Variants in MAPKAP1 observed in about 807,000 individuals in gnomAD.
MAPKAP1 encodes MAPK associated protein 1.
MAPKAP1 carries 20 observed loss-of-function variants against 65.7 expected under a neutral mutation model. The observed-to-expected ratio is 0.30, with a 90% confidence interval of 0.21 to 0.44. MAPKAP1 has a LOEUF of 0.44. Ranked by LOEUF, MAPKAP1 falls within the 20% of genes least tolerant of loss-of-function variation. MAPKAP1 has a pLI of 1.00. For missense variants in MAPKAP1, 423 were observed against 648.0 expected (o/e 0.65, Z 3.77); for synonymous variants, 222 against 244.3 (o/e 0.91, Z 0.85).
chr9:125,456,937 A>G (rs921774817), intron 10 of MAPKAP1, among the ~76,000 whole-genome samples: 1 of 152,030 alleles, frequency 6.6e-6, no homozygotes, highest in Non-Finnish European at 1.5e-5. Flanking sequence ...GCAATAGATA[A>G]GTAATGCACT....
chr9:125,481,255 G>C (rs1056705665), intron 9 of MAPKAP1, among the ~76,000 whole-genome samples: 6 of 152,084 alleles, frequency 3.9e-5, no homozygotes, highest in Non-Finnish European at 8.8e-5. Context: ...ATTAAAGTTT[G>C]TCTTTTTTGC....
chr9:125,636,561 G>T (rs1833430681), intron 4 of MAPKAP1, among the ~76,000 whole-genome samples: 1 of 152,188 alleles, frequency 6.6e-6, no homozygotes, highest in Non-Finnish European at 1.5e-5. Context: ...CCATCCTTGA[G>T]GAGAAAATTC....
chr9:125,608,853 TAGTA>T (rs1476237604), intron 4 of MAPKAP1, among the ~76,000 whole-genome samples: 1 of 152,170 alleles, frequency 6.6e-6, no homozygotes, highest in Non-Finnish European at 1.5e-5. Flanking sequence ...ATGACAATAT[TAGTA>T]CCAAGAGAAA....
chr9:125,649,934 A>C (rs1358294535), intron 4 of MAPKAP1, among the ~76,000 whole-genome samples: 1 of 152,156 alleles, frequency 6.6e-6, no homozygotes, highest in Non-Finnish European at 1.5e-5. Flanking sequence ...TAGTAAAATT[A>C]TGGCCTCGTT....
intron 1 of MAPKAP1, among the ~76,000 whole-genome samples, chr9:125,698,052 A>AC (rs1009923105): frequency 1.1e-4 from 17 of 150,814 alleles, no homozygotes; most frequent in Admixed American, 9.3e-4. Flanking sequence ...TGGAAAAGTG[A>AC]CCCCCAACTC....
At chr9:125,705,988 G>A (rs1835745981) in intron 1 of MAPKAP1, among the ~76,000 whole-genome samples, 1 of 152,126 alleles carries the variant, frequency 6.6e-6, no homozygotes, top group Non-Finnish European at 1.5e-5. Context: ...AGTGCAGTCT[G>A]GGACACACAG....
intron 4 of MAPKAP1, among the ~76,000 whole-genome samples, chr9:125,602,484 A>G (rs1183598742): frequency 6.6e-6 from 1 of 152,208 alleles, no homozygotes; most frequent in East Asian, 1.9e-4. Context: ...CTGAGGGGAC[A>G]GCAAGATCCA....
In MAPKAP1 at chr9:125,657,804, G is replaced by A. The variant is rs1834073149; in HGVS notation, c.350-5C>T. ...ACAGTGACTTTAACTCCTGGGCTGT[G>A]ATACAAGAGGAAGAAAAACATCTTT... On this transcript the variant is annotated splice_polypyrimidine_tract_variant and splice_region_variant and intron_variant, in intron 3 of 11. Coordinates refer to ENST00000265960, the MANE Select transcript of MAPKAP1 (RefSeq NM_001006617.3). The A allele has an allele frequency of 6.2e-7, 1 of 1,609,414 alleles. No homozygotes were observed. Among genetic ancestry groups the A allele is most frequent in the African/African-American group, 1.3e-5 (1 of 74,482 alleles).
chr9:125,468,856 T>C (rs182356006), intron 9 of MAPKAP1, among the ~76,000 whole-genome samples: 1 of 152,256 alleles, frequency 6.6e-6, no homozygotes, highest in East Asian at 1.9e-4. Flanking sequence ...TTTTCAGAGC[T>C]TAAAAGACAA....
chr9:125,616,094 G>C (rs561819455), intron 4 of MAPKAP1, among the ~76,000 whole-genome samples: 2 of 152,020 alleles, frequency 1.3e-5, no homozygotes, highest in Non-Finnish European at 2.9e-5. Context: ...AGGGAAATTT[G>C]ATATATGACC....
At chr9:125,479,417 T>C (rs978454541) in intron 9 of MAPKAP1, among the ~76,000 whole-genome samples, 3 of 152,026 alleles carry the variant, frequency 2.0e-5, no homozygotes, top group Non-Finnish European at 4.4e-5. Flanking sequence ...CCGTCTCTAC[T>C]AAAAACACAA....
intron 5 of MAPKAP1, among the ~76,000 whole-genome samples, chr9:125,584,400 A>C (rs946006613): frequency 3.3e-5 from 5 of 152,240 alleles, no homozygotes; most frequent in African/African-American, 1.2e-4. Context: ...TGACTGGATC[A>C]TACTAACTCT....
Position 125,672,324 on chromosome 9 carries a change from G to T in MAPKAP1, c.251C>A (p.Ser84Ter). 6.2e-7 allele frequency: 1 copy of T among 1,614,056 alleles called. No homozygotes were observed. Among genetic ancestry groups the T allele is most frequent in the South Asian group, 1.1e-5 (1 of 91,050 alleles). The change falls in exon 2 of 12, where the codon TCA becomes TAA. Residue 84 changes from serine (S) to a stop codon, truncating the protein, a stop_gained. Coordinates refer to ENST00000265960, the MANE Select transcript of MAPKAP1 (RefSeq NM_001006617.3). LOFTEE classifies it high-confidence loss of function. ...TAGAACACAATGTTTACCTGTGTTT[G>T]AGCGTCTTCTAATACCAAAGTCCCA... ...SSWDFGIRRR[S>*]NTAQRLERLR... is the part of the protein sequence containing the mutation.
chr9:125,485,692 GCTCAAA>G (rs1288886574), intron 8 of MAPKAP1, among the ~76,000 whole-genome samples: 22 of 152,210 alleles, frequency 1.4e-4, no homozygotes, highest in Middle Eastern at 3.4e-3. Context: ...CCCTAGGCTA[GCTCAAA>G]CTCTACCTCT....
At chr9:125,553,066 A>G (rs974305025) in intron 6 of MAPKAP1, among the ~76,000 whole-genome samples, 3 of 152,098 alleles carry the variant, frequency 2.0e-5, no homozygotes, top group Non-Finnish European at 4.4e-5. Context: ...TATTTTATAT[A>G]TGTCACTGTG....
chr9:125,497,690 C>T (rs1381024388), intron 8 of MAPKAP1, among the ~76,000 whole-genome samples: 5 of 152,244 alleles, frequency 3.3e-5, no homozygotes, highest in Non-Finnish European at 7.3e-5. Context: ...CACCCAAGGT[C>T]TGCCTGATTC....
intron 5 of MAPKAP1, among the ~76,000 whole-genome samples, chr9:125,564,899 A>G (rs1831002219): frequency 6.6e-6 from 1 of 152,202 alleles, no homozygotes; most frequent in Non-Finnish European, 1.5e-5. Context: ...TCAAAAGAAC[A>G]ATGAACAAGT....
intron 7 of MAPKAP1, among the ~76,000 whole-genome samples, chr9:125,537,481 T>A (rs559740391): frequency 1.3e-5 from 2 of 152,186 alleles, no homozygotes; most frequent in South Asian, 2.1e-4. Context: ...AAATCCCCTT[T>A]AAAATAACTC....
chr9:125,549,043 G>T (rs183176659), intron 6 of MAPKAP1, among the ~76,000 whole-genome samples: 62 of 152,352 alleles, frequency 4.1e-4, no homozygotes, highest in Non-Finnish European at 8.1e-4. Context: ...CTCGGGGAAA[G>T]AAGAGACTTC....
Sources: gnomAD v4.1 joint callset for allele counts (sites outside exome capture counted in the v4.1 genomes callset) on GRCh38, gnomAD v4.1.1 for gene constraint, MANE v1.5 for transcripts, NCBI Gene and HGNC (gene_info 2026-07-23, HGNC 2026-07-21) for gene names.